Variants in SMURF1 observed in about 807,000 individuals in gnomAD.
The protein encoded by SMURF1 is E3 ubiquitin-protein ligase SMURF1.
SMURF1 carries 44 observed loss-of-function variants against 98.0 expected under a neutral mutation model. The ratio of observed to expected loss-of-function variants is 0.45; its 90% CI spans 0.35 to 0.58. The LOEUF (loss-of-function observed/expected upper bound fraction) is 0.58, where lower values mean the gene tolerates loss of function less well. Ranked by LOEUF, SMURF1 falls within the 20% of genes least tolerant of loss-of-function variation. The pLI is 0.00. For synonymous variants in SMURF1, 396 were observed against 374.9 expected (o/e 1.06, Z -0.65); for missense variants, 687 against 938.4 (o/e 0.73, Z 3.50).
At chr7:99,069,385 G>A (rs1469840238) in intron 1 of SMURF1, among the ~76,000 whole-genome samples, 1 of 152,152 alleles carries the variant, frequency 6.6e-6, no homozygotes, top group Non-Finnish European at 1.5e-5. Context: ...CTGGGCCAGC[G>A]TTTCGCTCTG....
chr7:99,140,281 C>T (rs200891452), intron 1 of SMURF1, among the ~76,000 whole-genome samples: 891 of 86,060 alleles, frequency 0.01, 54 homozygotes, highest in African/African-American at 0.039. Flanking sequence ...CTTCAGTATC[C>T]TTTTTTTTTT....
At chr7:99,032,585 C>A (rs1271771844) in intron 17 of SMURF1, among the ~76,000 whole-genome samples, 1 of 152,228 alleles carries the variant, frequency 6.6e-6, no homozygotes, top group Non-Finnish European at 1.5e-5. Context: ...ATGAGAATTG[C>A]TTGAACCCAG....
At chr7:99,049,802 C>G (rs1211973660) in intron 8 of SMURF1, 93 bp from the exon 9 acceptor site, 6 of 1,287,710 alleles carry the variant, frequency 4.7e-6, no homozygotes, top group Non-Finnish European at 6.4e-6. Flanking sequence ...GGTTCCTTAT[C>G]AAGGTGTCTG....
At chr7:99,096,670 A>C (rs531524551) in intron 1 of SMURF1, among the ~76,000 whole-genome samples, 2 of 152,196 alleles carry the variant, frequency 1.3e-5, no homozygotes, top group Non-Finnish European at 2.9e-5. Flanking sequence ...CATAAAGCAA[A>C]AACTGACAGA....
chr7:99,071,206 T>C (rs189264659), intron 1 of SMURF1, among the ~76,000 whole-genome samples: 123 of 152,130 alleles, frequency 8.1e-4, no homozygotes, highest in African/African-American at 2.8e-3. Flanking sequence ...ATTACAGGCA[T>C]GTGCCACCAT....
intron 1 of SMURF1, among the ~76,000 whole-genome samples, chr7:99,142,905 AGAG>A (rs1218857744): frequency 7.9e-6 from 1 of 126,216 alleles, no homozygotes; most frequent in African/African-American, 3.1e-5. Flanking sequence ...AGGTGGGCGG[AGAG>A]GATGGGAAGC....
rs150514838 is a variant in SMURF1, at chr7:99,071,122, C to G, written c.56-9285G>C. ...TTGCCCAGGCTGGAGTGCAGTGGCA[C>G]GATCTCAGCTCGTTGCAAACTCCAC... On this transcript the variant is annotated intron_variant, in intron 1 of 17. Transcript: ENST00000361368. Among the ~76,000 whole-genome samples, 3 of 150,982 alleles carry G rather than the reference C, an allele frequency of 2.0e-5. No individual in the cohort carries two copies. The East Asian group carries it at 5.9e-4, about 29-fold the overall frequency.
rs1236545184 is a variant in SMURF1 at position 99,040,285 on chromosome 7, ACACACACACGCGCGCG to A, written c.1550+77_1550+92del. On this transcript the variant is annotated intron_variant, in intron 13 of 17. Coordinates refer to ENST00000361368, the MANE Select transcript of SMURF1 (RefSeq NM_181349.3). The stretch of plus-strand genomic sequence containing the variant: ...ATGGCTTCACACACATCCCCAAAAT[ACACACACACGCGCGCG>A]CGCGCGCACGCGCATACATACGATA... 1.3e-5 allele frequency: 16 copies of A among 1,234,434 alleles called. No homozygotes were observed. The African/African-American group carries it at 2.4e-4, about 18-fold the overall frequency. 76.5% of individuals were successfully genotyped at this position (1,234,434 alleles called of 1,614,324 possible). A position where few individuals can be genotyped will look rare whatever the true frequency, so the allele number is the denominator to read the frequency against.
chr7:99,131,356 TTAAC>T (rs1395081832), intron 1 of SMURF1, among the ~76,000 whole-genome samples: 3 of 151,592 alleles, frequency 2.0e-5, no homozygotes, highest in African/African-American at 7.3e-5. Context: ...GCCTGAGAAT[TTAAC>T]TATCTTTATT....
chr7:99,138,158 A>G (rs1390999065), intron 1 of SMURF1, among the ~76,000 whole-genome samples: 3 of 151,326 alleles, frequency 2.0e-5, no homozygotes, highest in Non-Finnish European at 4.4e-5. Context: ...AGCCTCTAAA[A>G]TGGTTTTGAA....
chr7:99,142,427 C>A (rs1464006018), intron 1 of SMURF1, among the ~76,000 whole-genome samples: 2 of 151,358 alleles, frequency 1.3e-5, no homozygotes, highest in Admixed American at 6.6e-5. Flanking sequence ...AGGAAGTGGC[C>A]CAGACTGAGA....
At chr7:99,110,340 G>A (rs1797290551) in intron 1 of SMURF1, among the ~76,000 whole-genome samples, 1 of 152,196 alleles carries the variant, frequency 6.6e-6, no homozygotes, top group African/African-American at 2.4e-5. Flanking sequence ...ATAAAAAGAT[G>A]CAACATAAAA....
At chr7:99,078,163 G>A (rs11767525) in intron 1 of SMURF1, among the ~76,000 whole-genome samples, 58,986 of 151,712 alleles carry the variant, frequency 0.39, 14,089 homozygotes, top group Non-Finnish European at 0.53. Flanking sequence ...TTAGCCAGGC[G>A]TGGTAGTGGG....
In SMURF1 at chr7:99,072,730, C is replaced by T. The variant is rs75554069; in HGVS notation, c.56-10893G>A. ...AAAACCCCACACGTGGCTATGAAAA[C>T]CCCAGGAAATACACACAATCTTCTA... is the stretch of plus-strand genomic sequence containing the variant. On this transcript the variant is annotated intron_variant, in intron 1 of 17. Coordinates refer to ENST00000361368, the MANE Select transcript of SMURF1 (RefSeq NM_181349.3). Among the ~76,000 whole-genome samples, 986 of 152,272 alleles carry T rather than the reference C, an allele frequency of 6.5e-3. 1 individual carries two copies. Among genetic ancestry groups the T allele is most frequent in the Non-Finnish European group, 0.011 (751 of 68,012 alleles).
intron 1 of SMURF1, among the ~76,000 whole-genome samples, chr7:99,128,832 A>C (rs1224529681): frequency 6.6e-6 from 1 of 152,216 alleles, no homozygotes; most frequent in African/African-American, 2.4e-5. Flanking sequence ...ATGTCCAAAA[A>C]CATGTCTCAT....
rs966999690 is a variant in SMURF1, at chr7:99,140,472, G to A, written c.55+3254C>T. 1.7e-4 allele frequency among the ~76,000 whole-genome samples: 26 copies of A among 151,940 alleles called. 1 individual carries two copies. Among genetic ancestry groups the A allele is most frequent in the Non-Finnish European group, 5.9e-5 (4 of 67,996 alleles). On this transcript the variant is annotated intron_variant, in intron 1 of 17. Transcript: ENST00000361368. ...CAGCTAATTTTTTGTATTTCTACTA[G>A]AGACGAGGTTTCACTGTGTTAGTCA...
intron 3 of SMURF1, among the ~76,000 whole-genome samples, chr7:99,059,417 T>C (rs12154457): frequency 2.7e-5 from 1 of 36,666 alleles, no homozygotes; most frequent in African/African-American, 1.1e-4. Context: ...TAAAATAAAA[T>C]AAAATAAAAT....
intron 6 of SMURF1, among the ~76,000 whole-genome samples, chr7:99,053,357 A>G (rs1795806719): frequency 6.6e-6 from 1 of 152,054 alleles, no homozygotes; most frequent in African/African-American, 2.4e-5. Flanking sequence ...CACTCTTCCA[A>G]TCCCTCCCCA....
chr7:99,108,611 C>CAAA lies in SMURF1; in HGVS notation c.55+35112_55+35114dup, dbSNP rs11458541. ...TGGGCAATAGAGAGAAACTCTGTCT[C>CAAA]AAAAAAAAAAAAAAAAAAAAAAAAG... On this transcript the variant is annotated intron_variant, in intron 1 of 17. Transcript: ENST00000361368. Among the ~76,000 whole-genome samples the CAAA allele has an allele frequency of 2.4e-3, 138 of 58,074 alleles. 1 individual carries two copies. The highest frequency in any genetic ancestry group is 2.9e-3 in the Admixed American group (10 of 3,396). 38.1% of individuals were successfully genotyped at this position (58,074 alleles called of 152,430 possible).
Sources: allele counts gnomAD v4.1 joint callset (sites outside exome capture counted in the v4.1 genomes callset), GRCh38; gene constraint gnomAD v4.1.1; transcripts MANE v1.5; gene names NCBI Gene and HGNC (gene_info 2026-07-23, HGNC 2026-07-21).